The following GAD1 variants were observed in gnomAD, a reference collection of about 807,000 sequenced individuals.
GAD1 encodes 67 kDa glutamic acid decarboxylase.
In GAD1, 35 loss-of-function variants were observed where a neutral mutation model predicts 75.2. The observed-to-expected ratio is 0.47, with a 90% confidence interval of 0.36 to 0.62. The LOEUF (loss-of-function observed/expected upper bound fraction) is 0.62. Among genes scored for constraint, GAD1 ranks in the 20% least tolerant of loss-of-function variants. The pLI is 0.00. For missense variants in GAD1, 490 were observed against 758.5 expected (o/e 0.65, Z 4.16); for synonymous variants, 257 against 271.9 (o/e 0.95, Z 0.54).
intron 5 of GAD1, among the ~76,000 whole-genome samples, chr2:170,834,024 G>C (rs887236597): frequency 3.3e-5 from 5 of 151,870 alleles, no homozygotes; most frequent in African/African-American, 1.2e-4. Context: ...GAGAGAGAGA[G>C]AGAGAAAGCA....
Position 170,860,417 on chromosome 2 carries a change from G to C in GAD1, c.*535G>C, listed in dbSNP as rs1702940523. ...CCTCCCCATTAGTATCCTGTTAGGG[G>C]AAAATAGTAGCAGAGTCATTGTTAC... is the stretch of plus-strand genomic sequence containing the variant. On this transcript the variant is annotated 3_prime_UTR_variant, in exon 17 of 17. Transcript: ENST00000358196. 1 of 158,636 alleles carries C rather than the reference G, an allele frequency of 6.3e-6. No homozygotes were observed. 9.8% of individuals were successfully genotyped at this position (158,636 alleles called of 1,614,324 possible). A position where few individuals can be genotyped will look rare whatever the true frequency, so the allele number is the denominator to read the frequency against.
At chr2:170,848,823 TA>T (rs754673261) in intron 11 of GAD1, 2 of 519,404 alleles carry the variant, frequency 3.9e-6, no homozygotes, top group African/African-American at 3.8e-5. Context: ...TGTTGTTACA[TA>T]AGTTGTTGTG....
Position 170,834,824 on chromosome 2 carries a change from G to A in GAD1, c.548-1969G>A, listed in dbSNP as rs190322677. 5.3e-4 allele frequency among the ~76,000 whole-genome samples: 79 copies of A among 148,960 alleles called. No homozygotes were observed. In the Middle Eastern group the frequency reaches 0.01, roughly 20 times the overall value. On this transcript the variant is annotated intron_variant, in intron 5 of 16. Coordinates refer to ENST00000358196, the MANE Select transcript of GAD1 (RefSeq NM_000817.3). ...CTTGTTGCCCAAGCTGGAGTGGAGT[G>A]CAGTGGCGTGATCTCGGCTCACTGC...
chr2:170,845,461 A>G (rs763692590), intron 7 of GAD1, 45 bp from the exon 8 acceptor site: 3 of 1,541,458 alleles, frequency 1.9e-6, no homozygotes, highest in South Asian at 1.1e-5. Flanking sequence ...TAGAAACAAT[A>G]ATCAAAGAGC....
rs528907069 is a variant in GAD1 at position 170,832,771 on chromosome 2, TG to T, written c.547+1582del. 3.8e-3 allele frequency among the ~76,000 whole-genome samples: 586 copies of T among 152,328 alleles called. 4 individuals carry two copies. The highest frequency in any genetic ancestry group is 0.013 in the African/African-American group (546 of 41,576). On this transcript the variant is annotated intron_variant, in intron 5 of 16. Coordinates refer to ENST00000358196, the MANE Select transcript of GAD1 (RefSeq NM_000817.3). ...CTGAGTCACCAAATTCTATTTCCAG[TG>T]GGAGTCCTTGAGGATGTCCTCTTGC...
intron 15 of GAD1, 151 bp from the exon 16 acceptor site, chr2:170,858,653 C>A (rs1575448452): frequency 1.4e-6 from 1 of 722,326 alleles, no homozygotes; most frequent in South Asian, 1.5e-5. Context: ...GCATTGTTCT[C>A]CCTGGTGTGG....
intron 12 of GAD1, chr2:170,852,422 T>C (rs1161344789): frequency 6.9e-6 from 3 of 437,386 alleles, no homozygotes; most frequent in Non-Finnish European, 1.3e-5. Context: ...GCCTGAATTC[T>C]TAACCATACC....
At position 170,858,805 on chromosome 2, in the gene GAD1, C is replaced by T; in HGVS notation, c.1523C>T (p.Pro508Leu). 6.2e-7 allele frequency: 1 copy of T among 1,613,992 alleles called. No individual in the cohort carries two copies. Among genetic ancestry groups the T allele is most frequent in the South Asian group, 1.1e-5 (1 of 91,074 alleles). The change falls in exon 16 of 17, where the codon CCT becomes CTT. Residue 508 changes from proline to leucine, a missense_variant and splice_region_variant. Pro to Leu is a moderately conservative substitution (Grantham distance 98, BLOSUM62 -3). Transcript: ENST00000358196. Reference protein sequence around the residue: ...EEFEMVFNGEPEHTNVCFWYI... With the variant: ...EEFEMVFNGELEHTNVCFWYI... ...GTTTGTCTTTTAAAATCTCTGCAGC[C>T]TGAGCACACAAACGTCTGTTTTTGG...
At chr2:170,825,523 C>CCATA (rs1256893539) in intron 3 of GAD1, among the ~76,000 whole-genome samples, 1 of 152,200 alleles carries the variant, frequency 6.6e-6, no homozygotes, top group African/African-American at 2.4e-5. Context: ...GGTGTTTATG[C>CCATA]CATACACAGC....
At chr2:170,846,129 C>A in intron 10 of GAD1, 66 bp downstream of exon 10, 1 of 1,307,188 alleles carries the variant, frequency 7.7e-7, no homozygotes. Context: ...TAGACAAAAA[C>A]AGTCCTTGAT....
At chr2:170,825,366 A>G (rs1701998912) in intron 3 of GAD1, among the ~76,000 whole-genome samples, 1 of 152,192 alleles carries the variant, frequency 6.6e-6, no homozygotes, top group African/African-American at 2.4e-5. Flanking sequence ...TCCAGTCTGG[A>G]CAACAGCAAT....
rs1345578088 is a variant in GAD1 at position 170,860,070 on chromosome 2, A to C, written c.*188A>C. ...TAGCAGGAAATAGTGTTCTTTTTAA[A>C]AAGTTGCACATTAGGAACAGAGTAT... is the stretch of plus-strand genomic sequence containing the variant. On this transcript the variant is annotated 3_prime_UTR_variant, in exon 17 of 17. Coordinates refer to ENST00000358196, the MANE Select transcript of GAD1 (RefSeq NM_000817.3). The C allele has an allele frequency of 1.6e-6, 1 of 633,628 alleles. No individual in the cohort carries two copies. The highest frequency in any genetic ancestry group is 1.8e-5 in the African/African-American group (1 of 54,888). 39.3% of individuals were successfully genotyped at this position (633,628 alleles called of 1,614,324 possible).
intron 6 of GAD1, among the ~76,000 whole-genome samples, chr2:170,841,186 C>T (rs757331462): frequency 6.6e-6 from 1 of 152,244 alleles, no homozygotes; most frequent in Non-Finnish European, 1.5e-5. Flanking sequence ...TTGACTTTAG[C>T]ATCTAACCAG....
chr2:170,816,798 G>C (rs989123606), upstream of GAD1: 1 of 153,552 alleles, frequency 6.5e-6, no homozygotes, highest in East Asian at 1.9e-4. Context: ...GCGAGCAACG[G>C]CCTCGTGATT....
Position 170,828,197 on chromosome 2 carries a change from T to TCCTCCCTCTGCTGTCCTCGCC in GAD1, c.146-1277_146-1276insCTCCCTCTGCTGTCCTCGCCC, listed in dbSNP as rs1702080520. Among the ~76,000 whole-genome samples the TCCTCCCTCTGCTGTCCTCGCC allele has an allele frequency of 3.2e-4, 14 of 43,962 alleles. 1 individual carries two copies. The highest frequency in any genetic ancestry group is 8.1e-4 in the East Asian group (1 of 1,242). The allele number at this position is 43,962 out of a possible 152,430, so 28.8% of individuals were successfully genotyped here. On this transcript the variant is annotated intron_variant, in intron 3 of 16. Transcript: ENST00000358196. ...CCCTCCTCTCTCTGCTGTCCTCACC[T>TCCTCCCTCTGCTGTCCTCGCC]CTCCTCTCTCTGCTATCCTCACCCC...
In GAD1 at chr2:170,825,883, G is replaced by A. The variant is rs576018190; in HGVS notation, c.146-3592G>A. 2.6e-5 allele frequency among the ~76,000 whole-genome samples: 4 copies of A among 152,290 alleles called. No individual in the cohort carries two copies. The South Asian group carries it at 8.3e-4, about 32-fold the overall frequency. ...CGAAGCTGGGGTGTAGAGCAAGAGGGAGTACACTCGGCTTCATTCTCTGGG... is the reference window on the plus strand; with the variant it reads ...CGAAGCTGGGGTGTAGAGCAAGAGGAAGTACACTCGGCTTCATTCTCTGGG... On this transcript the variant is annotated intron_variant, in intron 3 of 16. Transcript: ENST00000358196.
chr2:170,848,453 C>T (rs1184831265), intron 11 of GAD1, among the ~76,000 whole-genome samples: 5 of 148,646 alleles, frequency 3.4e-5, no homozygotes, highest in Admixed American at 6.8e-5. Context: ...GCTGGGATCA[C>T]GCCACATCAC....
rs972953334 is a variant in GAD1 at position 170,843,875 on chromosome 2, A to G, written c.639-170A>G. ...TCAGTAACCCAGGCTGGTTTCTGAC[A>G]TTTTATGATCGGCGACTTAATGCAT... On this transcript the variant is annotated intron_variant, in intron 6 of 16. Transcript: ENST00000358196. 3 of 617,886 alleles carry G rather than the reference A, an allele frequency of 4.9e-6. No homozygotes were observed. In the African/African-American group the frequency reaches 5.5e-5, roughly 11 times the overall value. 38.3% of individuals were successfully genotyped at this position (617,886 alleles called of 1,614,324 possible).
At chr2:170,859,639 G>A (rs1702919179) in intron 16 of GAD1, 70 bp from the exon 17 acceptor site, 1 of 1,467,548 alleles carries the variant, frequency 6.8e-7, no homozygotes, top group African/African-American at 1.4e-5. Context: ...AATGCAAGTT[G>A]GGTTGAATTG....
Sources: gnomAD v4.1 joint callset for allele counts (sites outside exome capture counted in the v4.1 genomes callset) on GRCh38, gnomAD v4.1.1 for gene constraint, MANE v1.5 for transcripts, NCBI Gene and HGNC (gene_info 2026-07-23, HGNC 2026-07-21) for gene names.